The following ADGRL2 variants were observed in gnomAD, a reference collection of about 807,000 sequenced individuals.
ADGRL2 encodes calcium-independent alpha-latrotoxin receptor 2.
ADGRL2 carries 44 observed loss-of-function variants against 157.4 expected under a neutral mutation model. That is an observed-to-expected ratio of 0.28 (90% CI 0.22 to 0.36). The LOEUF (loss-of-function observed/expected upper bound fraction) is 0.36, where lower values mean the gene tolerates loss of function less well. Among genes scored for constraint, ADGRL2 ranks in the 10% least tolerant of loss-of-function variants. ADGRL2 has a pLI of 1.00. For synonymous variants in ADGRL2, 585 were observed against 624.7 expected (o/e 0.94, Z 0.95); for missense variants, 1,510 against 1,768.9 (o/e 0.85, Z 2.63).
chr1:81,644,703 A>G (rs1225889878), intron 3 of ADGRL2, among the ~76,000 whole-genome samples: 1 of 152,114 alleles, frequency 6.6e-6, no homozygotes, highest in Admixed American at 6.5e-5. Flanking sequence ...TAAACTATGG[A>G]CTCCCGGTGA....
chr1:81,857,365 G>A (rs924642335), intron 2 of ADGRL2, among the ~76,000 whole-genome samples: 7 of 152,122 alleles, frequency 4.6e-5, no homozygotes, highest in African/African-American at 1.4e-4. Flanking sequence ...ATGTAAAAAG[G>A]AAATGACTTT....
intron 3 of ADGRL2, among the ~76,000 whole-genome samples, chr1:81,928,038 T>A (rs1287976413): frequency 6.6e-6 from 1 of 152,114 alleles, no homozygotes. Context: ...GTATTCCCTC[T>A]CCATTCACTT....
At chr1:81,418,013 T>C (rs1046714253) in intron 1 of ADGRL2, among the ~76,000 whole-genome samples, 1 of 152,150 alleles carries the variant, frequency 6.6e-6, no homozygotes, top group African/African-American at 2.4e-5. Flanking sequence ...TGACAGGCAA[T>C]TGTGAAATGT....
chr1:81,869,807 A>T (rs573652908), intron 2 of ADGRL2, among the ~76,000 whole-genome samples: 3 of 152,116 alleles, frequency 2.0e-5, no homozygotes, highest in Admixed American at 6.6e-5. Context: ...TTTAATTAAA[A>T]TTTTTTAGAT....
chr1:81,542,157 GC>G (rs2079901290), intron 2 of ADGRL2, among the ~76,000 whole-genome samples: 1 of 152,114 alleles, frequency 6.6e-6, no homozygotes, highest in African/African-American at 2.4e-5. Context: ...TAGGGTTCTC[GC>G]CCCGTACCAC....
At chr1:81,882,636 A>G (rs2094017264) in intron 2 of ADGRL2, among the ~76,000 whole-genome samples, 1 of 152,182 alleles carries the variant, frequency 6.6e-6, no homozygotes, top group South Asian at 2.1e-4. Context: ...TCCCCTCTCA[A>G]CCAGTTCTGG....
intron 1 of ADGRL2, among the ~76,000 whole-genome samples, chr1:81,757,773 G>C (rs1442496306): frequency 1.3e-5 from 2 of 152,168 alleles, no homozygotes; most frequent in African/African-American, 2.4e-5. Flanking sequence ...CTACTCACCA[G>C]CTCTTTAGGT....
chr1:81,385,546 G>T (rs1401711811), intron 1 of ADGRL2, among the ~76,000 whole-genome samples: 1 of 151,614 alleles, frequency 6.6e-6, no homozygotes, highest in African/African-American at 2.4e-5. Flanking sequence ...AAAGCACATA[G>T]AAATATTTCC....
At chr1:81,807,438 T>A (rs1427454401) in intron 1 of ADGRL2, among the ~76,000 whole-genome samples, 1 of 152,024 alleles carries the variant, frequency 6.6e-6, no homozygotes, top group Non-Finnish European at 1.5e-5. Context: ...CAGATTATTG[T>A]AATTAGGCTT....
At chr1:81,691,876 G>GTATATATATATATATATATATA (rs1164948316) in intron 3 of ADGRL2, among the ~76,000 whole-genome samples, 1 of 82,260 alleles carries the variant, frequency 1.2e-5, no homozygotes, top group Non-Finnish European at 2.6e-5. Flanking sequence ...GGGTGTGTGT[G>GTATATATATATATATATATATA]TGTGTATATA....
At chr1:81,344,170 G>A (rs1016686150) in intron 1 of ADGRL2, among the ~76,000 whole-genome samples, 1 of 152,114 alleles carries the variant, frequency 6.6e-6, no homozygotes, top group African/African-American at 2.4e-5. Context: ...CCAGGTTCAA[G>A]CAATTCTCAT....
At chr1:81,439,289 G>A (rs1308397517) in intron 1 of ADGRL2, among the ~76,000 whole-genome samples, 1 of 152,144 alleles carries the variant, frequency 6.6e-6, no homozygotes, top group East Asian at 1.9e-4. Context: ...TACCCAAGAG[G>A]TATTACAGCA....
intron 1 of ADGRL2, among the ~76,000 whole-genome samples, chr1:81,747,149 A>G (rs904546391): frequency 2.1e-5 from 3 of 140,138 alleles, no homozygotes; most frequent in Non-Finnish European, 4.5e-5. Context: ...ATACATATAT[A>G]CGTATATATG....
chr1:81,984,563 C>A lies in ADGRL2; in HGVS notation c.3283-20C>A. ...AAGTGTGTTATATTAATCCCTTGGT[C>A]TTGTGATTATTCAATGCAGGTACGA... On this transcript the variant is annotated intron_variant, in intron 19 of 23. Transcript: ENST00000686636. 6.3e-7 allele frequency: 1 copy of A among 1,578,012 alleles called. No homozygotes were observed. The highest frequency in any genetic ancestry group is 8.7e-7 in the Non-Finnish European group (1 of 1,154,744).
At chr1:81,926,425 G>T (rs188476167) in intron 3 of ADGRL2, among the ~76,000 whole-genome samples, 3 of 151,900 alleles carry the variant, frequency 2.0e-5, no homozygotes, top group Admixed American at 2.0e-4. Flanking sequence ...GTCTTATTAC[G>T]CTGTGTCTTT....
At chr1:81,399,405 C>A (rs1056933194) in intron 1 of ADGRL2, among the ~76,000 whole-genome samples, 2 of 152,152 alleles carry the variant, frequency 1.3e-5, no homozygotes, top group African/African-American at 4.8e-5. Flanking sequence ...TCTAGAAGTC[C>A]ATAATACTAA....
At chr1:81,899,071 A>C (rs2094443851) in intron 2 of ADGRL2, among the ~76,000 whole-genome samples, 1 of 152,190 alleles carries the variant, frequency 6.6e-6, no homozygotes, top group Admixed American at 6.6e-5. Flanking sequence ...TATTTAGTTC[A>C]AAGTAATTAA....
chr1:81,453,875 A>C (rs902040891), intron 2 of ADGRL2, among the ~76,000 whole-genome samples: 2 of 152,296 alleles, frequency 1.3e-5, no homozygotes, highest in Non-Finnish European at 2.9e-5. Flanking sequence ...GAAAACCAAA[A>C]TGAGCTTGCA....
chr1:81,462,254 C>T (rs1428235103), intron 2 of ADGRL2, among the ~76,000 whole-genome samples: 2 of 152,152 alleles, frequency 1.3e-5, no homozygotes, highest in African/African-American at 4.8e-5. Context: ...TGGGCCGTGC[C>T]AAATAAGAGA....
Sources: allele counts gnomAD v4.1 joint callset (sites outside exome capture counted in the v4.1 genomes callset), GRCh38; gene constraint gnomAD v4.1.1; transcripts MANE v1.5; gene names NCBI Gene and HGNC (gene_info 2026-07-23, HGNC 2026-07-21).